The following IFTAP variants were observed in gnomAD, a reference collection of about 807,000 sequenced individuals.
IFTAP encodes the protein intraflagellar transport-associated protein.
In IFTAP, 19 loss-of-function variants were observed where a neutral mutation model predicts 19.4. The ratio of observed to expected loss-of-function variants is 0.98; its 90% CI spans 0.68 to 1.44. The LOEUF (loss-of-function observed/expected upper bound fraction) is 1.44, where lower values mean the gene tolerates loss of function less well. IFTAP is among the 40% of genes most tolerant of loss of function. The pLI is 0.00. For synonymous variants in IFTAP, 85 were observed against 83.5 expected, an observed-to-expected ratio of 1.02 and a Z score of -0.10; for missense variants, 240 against 253.6, an observed-to-expected ratio of 0.95 and a Z score of 0.36.
In IFTAP at chr11:36,627,425, T is replaced by A. The variant is rs148256469; in HGVS notation, c.137-5859T>A. ...GATCCTCCCTGGGTTCTTCACCAGA[T>A]AAGCATGTGTCCTTGTGATCCTGGG... On this transcript the variant is annotated intron_variant, in intron 2 of 5. Coordinates refer to ENST00000334307, the MANE Select transcript of IFTAP (RefSeq NM_138787.4). Among the ~76,000 whole-genome samples, 254 of 151,442 alleles carry A rather than the reference T, an allele frequency of 1.7e-3. 19 individuals carry two copies. Among genetic ancestry groups the A allele is most frequent in the African/African-American group, 5.9e-3 (241 of 40,706 alleles).
intron 2 of IFTAP, among the ~76,000 whole-genome samples, chr11:36,626,233 TC>T (rs1852506745): frequency 6.6e-6 from 1 of 151,344 alleles, no homozygotes; most frequent in Admixed American, 6.6e-5. Context: ...AGGGAATAGA[TC>T]AGACATTTTT....
In IFTAP at chr11:36,610,186, A is replaced by T; in HGVS notation, c.83A>T (p.His28Leu). 1 of 1,610,626 alleles carries T rather than the reference A, an allele frequency of 6.2e-7. No individual in the cohort carries two copies. Reference sequence around the variant, plus strand: ...GTCTTGGATAAATTCCTTAATTGTCATGAGCAAACATATGATGAAGAATTT... The same window carrying T: ...GTCTTGGATAAATTCCTTAATTGTCTTGAGCAAACATATGATGAAGAATTT... Reference protein sequence around the residue: ...KDVLDKFLNCHEQTYDEEFLN... With the variant: ...KDVLDKFLNCLEQTYDEEFLN... The change falls in exon 2 of 6, where the codon CAT becomes CTT. Residue 28 changes from histidine to leucine, a missense_variant. Coordinates refer to ENST00000334307, the MANE Select transcript of IFTAP (RefSeq NM_138787.4).
chr11:36,633,903 T>C (rs1852828556), intron 3 of IFTAP, among the ~76,000 whole-genome samples: 1 of 152,140 alleles, frequency 6.6e-6, no homozygotes, highest in African/African-American at 2.4e-5. Flanking sequence ...TTATAGACTC[T>C]TCACATTCTC....
At chr11:36,612,967 T>A (rs541578949) in intron 2 of IFTAP, among the ~76,000 whole-genome samples, 2 of 152,098 alleles carry the variant, frequency 1.3e-5, no homozygotes, top group Admixed American at 1.3e-4. Context: ...TGGTTTTTTC[T>A]TTTTTAGAGC....
intron 3 of IFTAP, 88 bp from the exon 4 acceptor site, chr11:36,635,963 G>GT: frequency 3.7e-6 from 3 of 811,702 alleles, no homozygotes; most frequent in Non-Finnish European, 6.4e-6. Flanking sequence ...GCTCAGTTAG[G>GT]TGTTGTGGAA....
intron 2 of IFTAP, 118 bp downstream of exon 2, chr11:36,610,357 C>T: frequency 1.0e-6 from 1 of 996,414 alleles, no homozygotes; most frequent in African/African-American, 1.6e-5. Context: ...ATTCGTTTAT[C>T]AGGTAATTCT....
intron 1 of IFTAP, among the ~76,000 whole-genome samples, chr11:36,600,221 C>T (rs948043809): frequency 4.6e-5 from 7 of 152,186 alleles, no homozygotes; most frequent in Non-Finnish European, 8.8e-5. Flanking sequence ...CTACTATGTA[C>T]AAAGCCATGT....
At chr11:36,648,517 G>A (rs1454250291) in intron 5 of IFTAP, among the ~76,000 whole-genome samples, 1 of 152,084 alleles carries the variant, frequency 6.6e-6, no homozygotes, top group Non-Finnish European at 1.5e-5. Flanking sequence ...ATTAGTTGAG[G>A]TAAGGCCAGG....
rs186962622 is a variant in IFTAP at position 36,634,544 on chromosome 11, A to G, written c.291+1106A>G. Among the ~76,000 whole-genome samples, 658 of 152,286 alleles carry G rather than the reference A, an allele frequency of 4.3e-3. 1 individual carries two copies. Among genetic ancestry groups the G allele is most frequent in the Non-Finnish European group, 6.9e-3 (472 of 68,000 alleles). ...GAGTTTTATCATCTGAAGGGCTACA[A>G]GATCAGCTTCTTTATTTTCAGTTGT... On this transcript the variant is annotated intron_variant, in intron 3 of 5. Coordinates refer to ENST00000334307, the MANE Select transcript of IFTAP (RefSeq NM_138787.4).
chr11:36,626,181 A>G (rs556862473), intron 2 of IFTAP, among the ~76,000 whole-genome samples: 2 of 151,478 alleles, frequency 1.3e-5, no homozygotes, highest in Admixed American at 1.3e-4. Flanking sequence ...CTGGTTCAAA[A>G]ATCTGCAAAA....
chr11:36,646,102 C>A (rs1480958909), intron 4 of IFTAP, among the ~76,000 whole-genome samples: 5 of 152,116 alleles, frequency 3.3e-5, no homozygotes, highest in Admixed American at 2.0e-4. Context: ...TGAAAGAAAC[C>A]ATTTTTGTTG....
At chr11:36,621,009 GTTAAA>G (rs1852269384) in intron 2 of IFTAP, among the ~76,000 whole-genome samples, 1 of 151,774 alleles carries the variant, frequency 6.6e-6, no homozygotes, top group Middle Eastern at 3.2e-3. Context: ...ACTACTAATA[GTTAAA>G]TAAACTTTTA....
chr11:36,610,198 A>G lies in IFTAP; in HGVS notation c.95A>G (p.Tyr32Cys). The G allele has an allele frequency of 2.5e-6, 4 of 1,610,516 alleles. No individual in the cohort carries two copies. The highest frequency in any genetic ancestry group is 3.4e-6 in the Non-Finnish European group (4 of 1,176,984). Residue 32 changes from tyrosine to cysteine, a missense_variant, in exon 2 of 6, where the codon TAT (tyrosine) becomes TGT (cysteine). Coordinates refer to ENST00000334307, the MANE Select transcript of IFTAP (RefSeq NM_138787.4). ...DKFLNCHEQT[Y>C]DEEFLNTFTH... is the part of the protein sequence containing the mutation. ...TTCCTTAATTGTCATGAGCAAACAT[A>G]TGATGAAGAATTTCTGAACACTTTT...
intron 2 of IFTAP, among the ~76,000 whole-genome samples, chr11:36,619,846 T>C (rs999458648): frequency 2.0e-5 from 3 of 151,650 alleles, no homozygotes; most frequent in Non-Finnish European, 2.9e-5. Context: ...TTAGCCACAT[T>C]AAGAAAAAAA....
At chr11:36,609,814 T>C (rs2133376126) in intron 1 of IFTAP, among the ~76,000 whole-genome samples, 1 of 152,252 alleles carries the variant, frequency 6.6e-6, no homozygotes, top group Admixed American at 6.5e-5. Flanking sequence ...TGGGTGACAA[T>C]AGTCATATGA....
rs545756472 is a variant in IFTAP at position 36,658,908 on chromosome 11, C to A, written c.499-111C>A. On this transcript the variant is annotated intron_variant, in intron 5 of 5. Transcript: ENST00000334307. The stretch of plus-strand genomic sequence containing the variant: ...AAAACAGCTTAATCAGCTGAGAGTG[C>A]TGAAGTCTGAAAAAAGGTTTAATTA... 80 of 754,512 alleles carry A rather than the reference C, an allele frequency of 1.1e-4. No individual in the cohort carries two copies. The African/African-American group carries it at 1.4e-3, about 13-fold the overall frequency. 46.7% of individuals were successfully genotyped at this position (754,512 alleles called of 1,614,324 possible). A position where few individuals can be genotyped will look rare whatever the true frequency, so the allele number is the denominator to read the frequency against.
At position 36,617,047 on chromosome 11, in the gene IFTAP, A is replaced by G. The variant is rs148172073; in HGVS notation, c.136+6808A>G. 6.9e-3 allele frequency among the ~76,000 whole-genome samples: 1,046 copies of G among 151,620 alleles called. 9 individuals are homozygous for G. Among genetic ancestry groups the G allele is most frequent in the African/African-American group, 0.024 (991 of 41,428 alleles). On this transcript the variant is annotated intron_variant, in intron 2 of 5. Transcript: ENST00000334307. Reference sequence around the variant, plus strand: ...GACATGCCATAAGCATAAAACATACACTGGATTTTGGAGACTTGTATAAAA... The same window carrying G: ...GACATGCCATAAGCATAAAACATACGCTGGATTTTGGAGACTTGTATAAAA...
chr11:36,632,052 G>C (rs1000441646), intron 2 of IFTAP, among the ~76,000 whole-genome samples: 1 of 151,130 alleles, frequency 6.6e-6, no homozygotes, highest in African/African-American at 2.5e-5. Flanking sequence ...AGGTTCTAGA[G>C]TCAGAAGGCA....
intron 1 of IFTAP, among the ~76,000 whole-genome samples, chr11:36,608,917 C>T (rs1439027596): frequency 1.3e-5 from 2 of 151,130 alleles, no homozygotes; most frequent in Admixed American, 6.6e-5. Flanking sequence ...GTTTTGCCAG[C>T]TTCTAGCAAT....
Sources: allele counts gnomAD v4.1 joint callset (sites outside exome capture counted in the v4.1 genomes callset), GRCh38; gene constraint gnomAD v4.1.1; transcripts MANE v1.5; gene names NCBI Gene and HGNC (gene_info 2026-07-23, HGNC 2026-07-21).